The following DPP6 variants were observed in gnomAD, a reference collection of about 807,000 sequenced individuals.
DPP6 encodes dipeptidyl peptidase like 6, also known as A-type potassium channel modulatory protein DPP6.
DPP6 carries 69 observed loss-of-function variants against 122.6 expected under a neutral mutation model. That is an observed-to-expected ratio of 0.56 (90% CI 0.46 to 0.69). DPP6 has a LOEUF of 0.69. Ranked by LOEUF, DPP6 falls within the 30% of genes least tolerant of loss-of-function variation. The pLI, the probability that DPP6 is intolerant of heterozygous loss-of-function variation, is 0.00. For missense variants in DPP6, 928 were observed against 1,116.9 expected (o/e 0.83, Z 2.41); for synonymous variants, 418 against 433.1 (o/e 0.97, Z 0.43).
At chr7:154,310,992 C>T in intron 1 of DPP6, among the ~76,000 whole-genome samples, 1 of 152,062 alleles carries the variant, frequency 6.6e-6, no homozygotes, top group Middle Eastern at 3.2e-3. Context: ...GTTCTAAAAC[C>T]TGAGGAAGAG....
intron 6 of DPP6, among the ~76,000 whole-genome samples, chr7:154,644,123 A>G (rs942843963): frequency 5.9e-5 from 9 of 152,200 alleles, no homozygotes; most frequent in Admixed American, 5.2e-4. Context: ...GGTCTTTACA[A>G]TAAGAACATA....
chr7:153,849,465 A>T, the DPP6 span, among the ~76,000 whole-genome samples: 1 of 152,032 alleles, frequency 6.6e-6, no homozygotes, highest in Admixed American at 6.5e-5. Flanking sequence ...TCATTTCCTG[A>T]TGCTCCATAA....
intron 1 of DPP6, among the ~76,000 whole-genome samples, chr7:153,964,418 G>C (rs1231033904): frequency 6.6e-6 from 1 of 152,114 alleles, no homozygotes; most frequent in Non-Finnish European, 1.5e-5. Context: ...CACAGGTTCT[G>C]GAGACGCTAC....
intron 16 of DPP6, among the ~76,000 whole-genome samples, chr7:154,851,645 G>C (rs1802391138): frequency 6.6e-6 from 1 of 152,196 alleles, no homozygotes; most frequent in African/African-American, 2.4e-5. Flanking sequence ...CCCTCACTGG[G>C]TAGGGGGTGC....
At chr7:154,410,618 A>G (rs1264278866) in intron 1 of DPP6, among the ~76,000 whole-genome samples, 1 of 152,228 alleles carries the variant, frequency 6.6e-6, no homozygotes, top group Non-Finnish European at 1.5e-5. Context: ...AGTGCTTGTT[A>G]TAATTAAATA....
At chr7:153,881,761 C>T in the DPP6 span, among the ~76,000 whole-genome samples, 1 of 152,120 alleles carries the variant, frequency 6.6e-6, no homozygotes, top group African/African-American at 2.4e-5. Context: ...ACTACTCAGG[C>T]CATCCCTCTG....
chr7:154,522,314 G>A (rs1274874862), intron 3 of DPP6, among the ~76,000 whole-genome samples: 1 of 152,196 alleles, frequency 6.6e-6, no homozygotes, highest in African/African-American at 2.4e-5. Context: ...ATCAGGTGTA[G>A]TGAACCTCCC....
chr7:154,193,277 G>A (rs1251494197), intron 1 of DPP6, among the ~76,000 whole-genome samples: 1 of 152,198 alleles, frequency 6.6e-6, no homozygotes, highest in Non-Finnish European at 1.5e-5. Flanking sequence ...AGACATCTTG[G>A]AAGTGATAGG....
At chr7:153,933,856 T>G (rs962734847) in intron 1 of DPP6, among the ~76,000 whole-genome samples, 5 of 152,194 alleles carry the variant, frequency 3.3e-5, no homozygotes, top group African/African-American at 1.2e-4. Context: ...CCATAGGGCA[T>G]GGATTGGCCA....
rs529660539 is a variant in DPP6 at position 154,224,605 on chromosome 7, T to C, written c.243+171542T>C. Among the ~76,000 whole-genome samples the C allele has an allele frequency of 4.0e-5, 6 of 149,526 alleles. No individual in the cohort carries two copies. The South Asian group carries it at 1.1e-3, about 26-fold the overall frequency. On this transcript the variant is annotated intron_variant, in intron 1 of 25. Coordinates refer to ENST00000377770, the MANE Select transcript of DPP6 (RefSeq NM_130797.4). ...AGTTTGCTGTGTACATTAAATACCATATGTGGTGAACATTTCCAAATTCCT... is the reference window on the plus strand; with the variant it reads ...AGTTTGCTGTGTACATTAAATACCACATGTGGTGAACATTTCCAAATTCCT...
At chr7:154,702,843 A>G (rs1840599854) in intron 7 of DPP6, among the ~76,000 whole-genome samples, 1 of 152,244 alleles carries the variant, frequency 6.6e-6, no homozygotes, top group African/African-American at 2.4e-5. Flanking sequence ...TAGTGAAGAC[A>G]AAACAGCCTT....
intron 1 of DPP6, among the ~76,000 whole-genome samples, chr7:154,431,192 C>CCA (rs1165034607): frequency 1.3e-5 from 2 of 152,184 alleles, no homozygotes; most frequent in African/African-American, 4.8e-5. Flanking sequence ...TCGCTGGGAG[C>CCA]CACAGGCCAC....
At chr7:154,431,330 A>T (rs796280280) in intron 1 of DPP6, among the ~76,000 whole-genome samples, 3 of 152,168 alleles carry the variant, frequency 2.0e-5, no homozygotes, top group African/African-American at 7.2e-5. Context: ...GGCCTGCTCC[A>T]CACCACCCAC....
chr7:153,974,950 C>T (rs555747600), intron 1 of DPP6, among the ~76,000 whole-genome samples: 75 of 152,340 alleles, frequency 4.9e-4, no homozygotes, highest in East Asian at 9.7e-4. Flanking sequence ...CTTCCTAATG[C>T]GCTGGCTTCT....
At chr7:154,563,014 A>C (rs1419336902) in intron 4 of DPP6, among the ~76,000 whole-genome samples, 1 of 152,206 alleles carries the variant, frequency 6.6e-6, no homozygotes, top group Non-Finnish European at 1.5e-5. Context: ...TAGGTTAAAA[A>C]ATATAAAATA....
intron 6 of DPP6, among the ~76,000 whole-genome samples, chr7:154,661,767 C>G (rs11972620): frequency 1.7e-3 from 205 of 119,506 alleles, no homozygotes; most frequent in Admixed American, 1.9e-3. Flanking sequence ...CGTGTTGGCC[C>G]TAGTGTTCAC....
intron 1 of DPP6, among the ~76,000 whole-genome samples, chr7:154,024,136 G>A (rs142840020): frequency 0.047 from 7,113 of 152,216 alleles, 155 homozygotes; most frequent in South Asian, 0.066. Flanking sequence ...GTGTGGGCGA[G>A]AAGGAATTAT....
chr7:154,250,520 A>G (rs1489788299), intron 1 of DPP6, among the ~76,000 whole-genome samples: 1 of 152,084 alleles, frequency 6.6e-6, no homozygotes, highest in Non-Finnish European at 1.5e-5. Context: ...TTCAAGTAGG[A>G]GACAAATGGA....
At position 154,760,360 on chromosome 7, in the gene DPP6, G is replaced by A. The variant is rs1163114621; in HGVS notation, c.884-9057G>A. 6.6e-6 allele frequency among the ~76,000 whole-genome samples: 1 copy of A among 152,024 alleles called. No homozygotes were observed. Among genetic ancestry groups the A allele is most frequent in the East Asian group, 1.9e-4 (1 of 5,180 alleles). ...TGCAAATTCAGGGGGGTGGGGTGGA[G>A]GAAATTCAGTCCATGACATCAGCAA... On this transcript the variant is annotated intron_variant, in intron 8 of 25. Coordinates refer to ENST00000377770, the MANE Select transcript of DPP6 (RefSeq NM_130797.4). The surrounding 1 kb of genome is among the most constrained non-coding windows in gnomAD (Gnocchi z 4.5).
Sources: gnomAD v4.1 joint callset for allele counts (sites outside exome capture counted in the v4.1 genomes callset) on GRCh38, gnomAD v4.1.1 for gene constraint, Gnocchi (gnomAD v3.1) non-coding constraint, MANE v1.5 for transcripts, NCBI Gene and HGNC (gene_info 2026-07-23, HGNC 2026-07-21) for gene names.